Variants in DNAJC18 observed in about 807,000 individuals in gnomAD.
DNAJC18 encodes dnaJ homolog subfamily C member 18.
A neutral mutation model predicts 48.6 loss-of-function variants in DNAJC18; 40 were observed. That is an observed-to-expected ratio of 0.82 (90% CI 0.64 to 1.07). The LOEUF (loss-of-function observed/expected upper bound fraction) is 1.07. Ranked by LOEUF, DNAJC18 falls within the 50% of genes least tolerant of loss-of-function variation. The pLI, the probability that DNAJC18 is intolerant of heterozygous loss-of-function variation, is 0.00. For synonymous variants in DNAJC18, 135 were observed against 152.2 expected (o/e 0.89, Z 0.83); for missense variants, 340 against 427.7 (o/e 0.79, Z 1.81).
chr5:139,417,720 C>T (rs974881199), intron 7 of DNAJC18, among the ~76,000 whole-genome samples: 5 of 151,898 alleles, frequency 3.3e-5, no homozygotes, highest in East Asian at 3.9e-4. Flanking sequence ...ATTACAGGTG[C>T]GCACCACCAC....
At chr5:139,414,581 C>A (rs1419394827) in intron 7 of DNAJC18, among the ~76,000 whole-genome samples, 1 of 152,236 alleles carries the variant, frequency 6.6e-6, no homozygotes, top group Admixed American at 6.5e-5. Flanking sequence ...GTGAGACCAC[C>A]CTATAGCCTC....
rs377218182 is a variant in DNAJC18 at position 139,414,161 on chromosome 5, C to T, written c.1064G>A (p.Arg355His). 12 of 1,613,968 alleles carry T rather than the reference C, an allele frequency of 7.4e-6. No individual in the cohort carries two copies. The African/African-American group carries it at 9.3e-5, about 13-fold the overall frequency. Residue 355 changes from arginine (R) to histidine (H), a missense_variant, in exon 8 of 8, where the codon CGC (arginine) becomes CAC (histidine). By Grantham distance (29) the Arg-to-His change is conservative (BLOSUM62 0). Transcript: ENST00000302060. ...ACCATTATCCTCTCAGCCACCTCTGCGTAGGCCAATGAGTTTGGAAAGTTT... is the reference window on the plus strand; with the variant it reads ...ACCATTATCCTCTCAGCCACCTCTGTGTAGGCCAATGAGTTTGGAAAGTTT... ...CEKLSKLIGL[R>H]RGG
At chr5:139,427,499 G>A (rs1759262229) in intron 3 of DNAJC18, among the ~76,000 whole-genome samples, 1 of 152,106 alleles carries the variant, frequency 6.6e-6, no homozygotes, top group Non-Finnish European at 1.5e-5. Flanking sequence ...TGTTTGCCTT[G>A]CCACTCTGTT....
rs1218908147 is a variant in DNAJC18, at chr5:139,414,228, A to G, written c.997T>C (p.Leu333=). The G allele has an allele frequency of 2.5e-6, 4 of 1,614,048 alleles. No individual in the cohort carries two copies. The highest frequency in any genetic ancestry group is 2.2e-5 in the East Asian group (1 of 44,892). The change falls in exon 8 of 8, where the codon TTG becomes CTG. Residue 333 remains leucine (L), a synonymous_variant. Coordinates refer to ENST00000302060, the MANE Select transcript of DNAJC18 (RefSeq NM_152686.4). ...NLAGLYRDER[L]KQKAESLKLE... is the part of the protein sequence containing the mutation. ...TTCAGCGACTCTGCTTTCTGTTTCA[A>G]TCGTTCATCTCTGTATAATCCTGCC...
Position 139,417,754 on chromosome 5 carries a change from AG to A in DNAJC18, c.952+2298del, listed in dbSNP as rs759168895. Among the ~76,000 whole-genome samples, 101 of 152,006 alleles carry A rather than the reference AG, an allele frequency of 6.6e-4. 1 individual carries two copies. In the Middle Eastern group the frequency reaches 0.027, roughly 41 times the overall value. On this transcript the variant is annotated intron_variant, in intron 7 of 7. Transcript: ENST00000302060. ...ACACCCAGCTAATTTTTGTATTTTT[AG>A]TAGAGAAGGGGTTTCGCCATGTTGG...
chr5:139,434,748 T>TTGTGTG (rs34748727), intron 2 of DNAJC18, among the ~76,000 whole-genome samples: 40 of 150,504 alleles, frequency 2.7e-4, no homozygotes, highest in East Asian at 2.1e-3. Context: ...CTAACAGTAT[T>TTGTGTG]TGTGTGTGTG....
intron 1 of DNAJC18, among the ~76,000 whole-genome samples, chr5:139,438,938 G>A (rs1231588551): frequency 6.6e-6 from 1 of 152,202 alleles, no homozygotes; most frequent in Non-Finnish European, 1.5e-5. Flanking sequence ...ATTAGGCGGG[G>A]CACACAATAG....
intron 7 of DNAJC18, among the ~76,000 whole-genome samples, chr5:139,415,081 G>A (rs910400657): frequency 7.2e-5 from 11 of 152,192 alleles, no homozygotes; most frequent in Admixed American, 7.2e-4. Context: ...AGGATGGCAT[G>A]CTTGGATGTG....
rs1027569606 is a variant in DNAJC18 at position 139,413,379 on chromosome 5, G to T, written c.*769C>A. 6.5e-6 allele frequency: 1 copy of T among 152,846 alleles called. No individual in the cohort carries two copies. Among genetic ancestry groups the T allele is most frequent in the Non-Finnish European group, 1.5e-5 (1 of 68,534 alleles). The allele number at this position is 152,846 out of a possible 1,614,324, so 9.5% of individuals were successfully genotyped here. On this transcript the variant is annotated 3_prime_UTR_variant, in exon 8 of 8. Transcript: ENST00000302060. ...ATGACACCAATGATGATACTGAGGG[G>T]AAATGACCGAAGGGACATTCTCTGG...
Position 139,426,334 on chromosome 5 carries a change from G to A in DNAJC18, c.397C>T (p.Leu133=). ...FKAIGNAFAV[L]SNPDKRLRYD... is the part of the protein sequence containing the mutation. ...CGAAGTCTCTTATCAGGATTGCTCA[G>A]GACTGCAAATGCATTTCCTATTGCT... is the stretch of plus-strand genomic sequence containing the variant. The change falls in exon 4 of 8, where the codon CTG becomes TTG. Residue 133 remains leucine (L), a synonymous_variant. Transcript: ENST00000302060. 1 of 1,614,026 alleles carries A rather than the reference G, an allele frequency of 6.2e-7. No individual in the cohort carries two copies. The highest frequency in any genetic ancestry group is 8.5e-7 in the Non-Finnish European group (1 of 1,179,974).
intron 2 of DNAJC18, among the ~76,000 whole-genome samples, chr5:139,436,515 C>CTTTTT (rs57926576): frequency 4.6e-3 from 309 of 67,572 alleles, no homozygotes; most frequent in Middle Eastern, 0.017. Flanking sequence ...ATCCCTCTTT[C>CTTTTT]TTTTTTTTTT....
At chr5:139,434,657 T>A (rs1229696151) in intron 2 of DNAJC18, among the ~76,000 whole-genome samples, 1 of 152,204 alleles carries the variant, frequency 6.6e-6, no homozygotes, top group African/African-American at 2.4e-5. Context: ...TTTTTATTGT[T>A]CATTGCTAGT....
intron 1 of DNAJC18, among the ~76,000 whole-genome samples, chr5:139,438,476 C>T (rs1316374036): frequency 6.6e-6 from 1 of 152,084 alleles, no homozygotes; most frequent in Non-Finnish European, 1.5e-5. Context: ...AGATTGGATA[C>T]CCCTGGTTTA....
At chr5:139,428,427 G>A (rs1247183253) in intron 3 of DNAJC18, 111 bp downstream of exon 3, 6 of 1,397,036 alleles carry the variant, frequency 4.3e-6, no homozygotes, top group Non-Finnish European at 5.8e-6. Flanking sequence ...GTGTGGCAGG[G>A]GGAAAAAACC....
At position 139,410,273 on chromosome 5, in the gene DNAJC18, G is replaced by A. The variant is rs1202989652; in HGVS notation, c.*3875C>T. On this transcript the variant is annotated 3_prime_UTR_variant, in exon 8 of 8. Transcript: ENST00000302060. ...ACTCAATCCAGATGTAGTGGATGAG[G>A]TGGCCAGATTTTTTCAAGATTCTTA... 6.6e-6 allele frequency: 1 copy of A among 152,200 alleles called. No homozygotes were observed. The highest frequency in any genetic ancestry group is 1.5e-5 in the Non-Finnish European group (1 of 68,024). 9.4% of individuals were successfully genotyped at this position (152,200 alleles called of 1,614,324 possible).
chr5:139,431,820 G>A (rs999669215), intron 2 of DNAJC18, among the ~76,000 whole-genome samples: 1 of 152,158 alleles, frequency 6.6e-6, no homozygotes, highest in Non-Finnish European at 1.5e-5. Context: ...AATGTACAAA[G>A]GTTCCAATTT....
At chr5:139,424,098 C>T (rs1216143092) in intron 5 of DNAJC18, among the ~76,000 whole-genome samples, 1 of 152,210 alleles carries the variant, frequency 6.6e-6, no homozygotes, top group Non-Finnish European at 1.5e-5. Flanking sequence ...TGAAACTCAT[C>T]ACCCTTCACT....
At chr5:139,427,033 T>C (rs530730793) in intron 3 of DNAJC18, among the ~76,000 whole-genome samples, 2 of 152,340 alleles carry the variant, frequency 1.3e-5, no homozygotes, top group East Asian at 3.9e-4. Context: ...AGTGTTCTTA[T>C]TTCACTTGAG....
At chr5:139,419,093 TACTC>T (rs1213812975) in intron 7 of DNAJC18, 1 of 440,848 alleles carries the variant, frequency 2.3e-6, no homozygotes, top group Non-Finnish European at 4.5e-6. Context: ...TATTTAATGA[TACTC>T]AGTAATAAGG....
Sources: allele counts gnomAD v4.1 joint callset (sites outside exome capture counted in the v4.1 genomes callset), GRCh38; gene constraint gnomAD v4.1.1; transcripts MANE v1.5; gene names NCBI Gene and HGNC (gene_info 2026-07-23, HGNC 2026-07-21).